Variants in CCDC186 observed in about 807,000 individuals in gnomAD.
The protein encoded by CCDC186 is coiled-coil domain-containing protein 186.
Under a neutral mutation model 113.7 loss-of-function variants are expected in CCDC186, and 49 were observed. The observed-to-expected ratio is 0.43, with a 90% CI of 0.34 to 0.55. The LOEUF (loss-of-function observed/expected upper bound fraction) is 0.55, where lower values mean the gene tolerates loss of function less well. Ranked by LOEUF, CCDC186 falls within the 20% of genes least tolerant of loss-of-function variation. CCDC186 has a pLI of 0.02. For synonymous variants in CCDC186, 355 were observed against 345.8 expected, an observed-to-expected ratio of 1.03 and a Z score of -0.30; for missense variants, 890 against 1,011.1, an observed-to-expected ratio of 0.88 and a Z score of 1.62.
chr10:114,144,863 A>G (rs1197693187), intron 5 of CCDC186, among the ~76,000 whole-genome samples: 1 of 152,180 alleles, frequency 6.6e-6, no homozygotes, highest in Non-Finnish European at 1.5e-5. Context: ...TCAACACAAC[A>G]TATCTTTATG....
intron 3 of CCDC186, among the ~76,000 whole-genome samples, chr10:114,154,102 T>A (rs1181302368): frequency 6.7e-6 from 1 of 150,358 alleles, no homozygotes; most frequent in African/African-American, 2.4e-5. Context: ...TAGCAGCTAC[T>A]CGGGAGGTTG....
Position 114,144,548 on chromosome 10 carries a change from G to A in CCDC186, c.1170C>T (p.Ile390=), listed in dbSNP as rs377167730. The A allele has an allele frequency of 1.2e-6, 2 of 1,613,136 alleles. No individual in the cohort carries two copies. Among genetic ancestry groups the A allele is most frequent in the African/African-American group, 1.3e-5 (1 of 74,966 alleles). Residue 390 remains isoleucine, a synonymous_variant, in exon 6 of 16, where the codon ATC becomes ATT. Coordinates refer to ENST00000369287, the MANE Select transcript of CCDC186 (RefSeq NM_018017.4). ...ATTTGTTTTGTGCCCACTTTACTTT[G>A]ATGACGTGAGAGTTAATGTCTTCCT... ...KLKEDINSHV[I]KVKWAQNKLK...
chr10:114,149,559 A>G lies in CCDC186; in HGVS notation c.888+1533T>C, dbSNP rs7086412. Among the ~76,000 whole-genome samples, 313 of 86,726 alleles carry G rather than the reference A, an allele frequency of 3.6e-3. 2 individuals are homozygous for G. The East Asian group carries it at 0.038, about 11-fold the overall frequency. 56.9% of individuals were successfully genotyped at this position (86,726 alleles called of 152,430 possible). A position where few individuals can be genotyped will look rare whatever the true frequency, so the allele number is the denominator to read the frequency against. ...AAAGGGAAGGGAAGGGAAGGGAAGG[A>G]AAGGAAAGGGAAGGGAAGGGAAGGG... On this transcript the variant is annotated intron_variant, in intron 4 of 15. Transcript: ENST00000369287.
At chr10:114,149,790 A>T (rs12412969) in intron 4 of CCDC186, among the ~76,000 whole-genome samples, 1 of 54,534 alleles carries the variant, frequency 1.8e-5, no homozygotes, top group African/African-American at 8.8e-5. Context: ...GGAAGGCAGG[A>T]AGGAAGGAAG....
intron 1 of CCDC186, among the ~76,000 whole-genome samples, chr10:114,164,558 C>G (rs1443807453): frequency 6.6e-6 from 1 of 152,106 alleles, no homozygotes; most frequent in East Asian, 1.9e-4. Context: ...TTGTTGACTT[C>G]TTTTGTCAGG....
intron 6 of CCDC186, among the ~76,000 whole-genome samples, chr10:114,139,536 CT>C (rs1201856166): frequency 6.8e-6 from 1 of 147,678 alleles, no homozygotes; most frequent in African/African-American, 2.5e-5. Context: ...GCACTCCAGC[CT>C]AGGCAACAGA....
chr10:114,125,058 A>G lies in CCDC186; in HGVS notation c.*85T>C. ...CAATATTTTTACTGGCTGAAACAAA[A>G]AGTGGAACAAAGTCTCCAACAATAG... On this transcript the variant is annotated 3_prime_UTR_variant, in exon 16 of 16. Coordinates refer to ENST00000369287, the MANE Select transcript of CCDC186 (RefSeq NM_018017.4). 1 of 974,632 alleles carries G rather than the reference A, an allele frequency of 1.0e-6. No homozygotes were observed. Among genetic ancestry groups the G allele is most frequent in the East Asian group, 2.6e-5 (1 of 38,672 alleles). 60.4% of individuals were successfully genotyped at this position (974,632 alleles called of 1,614,324 possible).
At position 114,131,182 on chromosome 10, in the gene CCDC186, G is replaced by C. The variant is rs1397423002; in HGVS notation, c.2066C>G (p.Ser689Cys). 4 of 1,581,732 alleles carry C rather than the reference G, an allele frequency of 2.5e-6. No homozygotes were observed. The Admixed American group carries it at 5.6e-5, about 22-fold the overall frequency. ...ELVTQRRKHASSIKDLTKQLQ... is the reference protein window; with the variant it reads ...ELVTQRRKHACSIKDLTKQLQ... ...TTGTTTGGTGAGATCCTTGATACTA[G>C]AGGCATGTTTACGTCTCTGAGTTAC... is the stretch of plus-strand genomic sequence containing the variant. The change falls in exon 12 of 16, where the codon TCT (serine) becomes TGT (cysteine). Residue 689 changes from serine to cysteine, a missense_variant. By Grantham distance (112) the Ser-to-Cys change is moderately radical. Transcript: ENST00000369287.
intron 1 of CCDC186, chr10:114,165,849 CAA>C (rs56143525): frequency 5.5e-4 from 379 of 689,500 alleles, no homozygotes; most frequent in South Asian, 6.5e-4. Context: ...CACTTTGTCT[CAA>C]AAAAAAAAAA....
chr10:114,149,738 AAGGAAGGC>A (rs1564912843), intron 4 of CCDC186, among the ~76,000 whole-genome samples: 2 of 71,470 alleles, frequency 2.8e-5, no homozygotes, highest in African/African-American at 4.7e-5. Context: ...GGGACGAAGG[AAGGAAGGC>A]AGGAAGGCAG....
Position 114,136,130 on chromosome 10 carries a change from A to C in CCDC186, c.1425+18T>G. 1 of 1,597,124 alleles carries C rather than the reference A, an allele frequency of 6.3e-7. No homozygotes were observed. The highest frequency in any genetic ancestry group is 8.6e-7 in the Non-Finnish European group (1 of 1,165,732). ...TTTATTATGCAACTTAGGATATATA[A>C]AGAGCAAAACTACTCACCTCTAGCT... On this transcript the variant is annotated intron_variant, in intron 8 of 15. Transcript: ENST00000369287.
rs558320645 is a variant in CCDC186, at chr10:114,156,721, C to CT, written c.759+832dup. Among the ~76,000 whole-genome samples, 1,212 of 152,108 alleles carry CT rather than the reference C, an allele frequency of 8.0e-3. 6 individuals are homozygous for CT. The highest frequency in any genetic ancestry group is 0.014 in the Non-Finnish European group (971 of 68,006). Reference sequence around the variant, plus strand: ...CACCCTGGGTGACAAGAGCAAAACTCTGTCTCAAAGAAAAAACAAAAAATA... The same window carrying CT: ...CACCCTGGGTGACAAGAGCAAAACTCTTGTCTCAAAGAAAAAACAAAAAATA... On this transcript the variant is annotated intron_variant, in intron 3 of 15. Transcript: ENST00000369287.
In CCDC186 at chr10:114,126,009, G is replaced by T; in HGVS notation, c.2490C>A (p.Ile830=). The change falls in exon 15 of 16, where the codon ATC becomes ATA. Residue 830 remains isoleucine (I), a synonymous_variant. Transcript: ENST00000369287. ...GATGGGATGTATATAAAGATGCCATGATGCCACCCCGTCTACTTAAATGAA... is the reference window on the plus strand; with the variant it reads ...GATGGGATGTATATAAAGATGCCATTATGCCACCCCGTCTACTTAAATGAA... The part of the protein sequence containing the change: ...NKVHLSRRGG[I]MASLYTSHPA... 2.5e-6 allele frequency: 4 copies of T among 1,613,988 alleles called. No homozygotes were observed. The highest frequency in any genetic ancestry group is 3.4e-6 in the Non-Finnish European group (4 of 1,179,898).
chr10:114,131,944 C>T lies in CCDC186; in HGVS notation c.1896G>A (p.Gln632=). Residue 632 remains glutamine, a synonymous_variant, in exon 11 of 16, where the codon CAG becomes CAA. Coordinates refer to ENST00000369287, the MANE Select transcript of CCDC186 (RefSeq NM_018017.4). ...TTATACTTACCAAATTAATATTTGT[C>T]TGTTTCATTTGTTCACACTGGCTTT... ...QLQSQCEQMK[Q]TNINLESRLL... 1 of 1,602,794 alleles carries T rather than the reference C, an allele frequency of 6.2e-7. No homozygotes were observed. Among genetic ancestry groups the T allele is most frequent in the Non-Finnish European group, 8.5e-7 (1 of 1,174,326 alleles).
chr10:114,160,772 T>C (rs1564917291), intron 2 of CCDC186, among the ~76,000 whole-genome samples: 1 of 152,096 alleles, frequency 6.6e-6, no homozygotes, highest in Non-Finnish European at 1.5e-5. Context: ...TCATAGAAAA[T>C]TAGATGAAGA....
At chr10:114,151,755 G>A (rs1021701651) in intron 3 of CCDC186, among the ~76,000 whole-genome samples, 1 of 152,160 alleles carries the variant, frequency 6.6e-6, no homozygotes, top group African/African-American at 2.4e-5. Context: ...CAGTGCTTGT[G>A]TGCAGCAACA....
intron 5 of CCDC186, among the ~76,000 whole-genome samples, 171 bp from the exon 6 acceptor site, chr10:114,144,787 A>G (rs2031585341): frequency 6.6e-6 from 1 of 152,142 alleles, no homozygotes; most frequent in South Asian, 2.1e-4. Flanking sequence ...GGGTAGTAAA[A>G]TCCTAAATCC....
intron 1 of CCDC186, among the ~76,000 whole-genome samples, chr10:114,170,372 G>A (rs2032456863): frequency 6.6e-6 from 1 of 152,138 alleles, no homozygotes; most frequent in South Asian, 2.1e-4. Context: ...CTGTCACCCA[G>A]GTTGGAGTGC....
chr10:114,163,085 G>T lies in CCDC186; in HGVS notation c.184C>A (p.Arg62=), dbSNP rs774913425. Residue 62 remains arginine, a synonymous_variant, in exon 2 of 16, where the codon CGA becomes AGA. Transcript: ENST00000369287. ...TLCQPNEHNN[R]IEAQENYIPD... is the part of the protein sequence containing the mutation. ...ATATAATTTTCCTGGGCTTCAATTC[G>T]ATTATTATGCTCATTAGGTTGACAT... The T allele has an allele frequency of 4.3e-6, 7 of 1,614,010 alleles. No homozygotes were observed. Among genetic ancestry groups the T allele is most frequent in the Non-Finnish European group, 5.9e-6 (7 of 1,179,978 alleles).
Sources: allele counts gnomAD v4.1 joint callset (sites outside exome capture counted in the v4.1 genomes callset), GRCh38; gene constraint gnomAD v4.1.1; transcripts MANE v1.5; gene names NCBI Gene and HGNC (gene_info 2026-07-23, HGNC 2026-07-21).